The following TMX3 variants were observed in gnomAD, a reference collection of about 807,000 sequenced individuals.
TMX3 encodes the protein thioredoxin related transmembrane protein 3.
Under a neutral mutation model 64.4 loss-of-function variants are expected in TMX3, and 40 were observed. The ratio of observed to expected loss-of-function variants is 0.62; its 90% confidence interval spans 0.48 to 0.81. TMX3 has a LOEUF of 0.81. Ranked by LOEUF, TMX3 falls within the 30% of genes least tolerant of loss-of-function variation. The pLI, the probability that TMX3 is intolerant of heterozygous loss-of-function variation, is 0.00. For missense variants in TMX3, 497 were observed against 534.5 expected, an observed-to-expected ratio of 0.93 and a Z score of 0.69; for synonymous variants, 189 against 175.7, an observed-to-expected ratio of 1.08 and a Z score of -0.60.
At chr18:68,678,491 T>G (rs1913134205) in intron 15 of TMX3, among the ~76,000 whole-genome samples, 1 of 151,876 alleles carries the variant, frequency 6.6e-6, no homozygotes, top group African/African-American at 2.4e-5. Flanking sequence ...TGAAAAACAC[T>G]GAAGAGATGG....
chr18:68,678,933 A>G (rs1207522887), intron 15 of TMX3, among the ~76,000 whole-genome samples: 1 of 151,870 alleles, frequency 6.6e-6, no homozygotes, highest in Non-Finnish European at 1.5e-5. Context: ...AAGGAAGGAG[A>G]GAAAAAGGGA....
Position 68,675,544 on chromosome 18 carries a change from C to G in TMX3, c.*1389G>C, listed in dbSNP as rs559802487. 6.6e-6 allele frequency: 1 copy of G among 152,180 alleles called. No homozygotes were observed. Among genetic ancestry groups the G allele is most frequent in the Non-Finnish European group, 1.5e-5 (1 of 67,988 alleles). The allele number at this position is 152,180 out of a possible 1,614,324, so 9.4% of individuals were successfully genotyped here. On this transcript the variant is annotated 3_prime_UTR_variant, in exon 16 of 16. Transcript: ENST00000299608. ...CTAAATCCCTAAACAACGTCAGTGT[C>G]CAGACCATGAATTACATATTTTTTG...
intron 9 of TMX3, 25 bp downstream of exon 9, chr18:68,691,270 C>T (rs987673474): frequency 6.6e-6 from 10 of 1,504,666 alleles, no homozygotes; most frequent in Non-Finnish European, 8.2e-6. Flanking sequence ...AAATGTTTTA[C>T]ATGAGTTAAA....
intron 1 of TMX3, 142 bp downstream of exon 1, chr18:68,714,794 G>A (rs1278102897): frequency 2.6e-6 from 3 of 1,173,412 alleles, no homozygotes; most frequent in African/African-American, 1.6e-5. Flanking sequence ...GGCGCGGCGG[G>A]GGCGGCAGGA....
In TMX3 at chr18:68,693,581, G is replaced by A. The variant is rs115376657; in HGVS notation, c.571-2220C>T. ...CCGGGTGTGTGTGTGTGCTTGGCGC[G>A]GCGCTGACGTGCCAGCTCCCAACAG... On this transcript the variant is annotated intron_variant, in intron 8 of 15. Transcript: ENST00000299608. Among the ~76,000 whole-genome samples the A allele has an allele frequency of 4.4e-3, 675 of 152,268 alleles. 8 individuals are homozygous for A. The highest frequency in any genetic ancestry group is 0.015 in the African/African-American group (614 of 41,556).
intron 5 of TMX3, chr18:68,701,031 GA>G (rs1568196465): frequency 1.0e-6 from 1 of 983,884 alleles, no homozygotes; most frequent in African/African-American, 1.8e-5. Flanking sequence ...TTTTAAAAAG[GA>G]AAAATTGGGA....
intron 3 of TMX3, 85 bp from the exon 4 acceptor site, chr18:68,710,229 A>T: frequency 2.5e-6 from 3 of 1,212,516 alleles, no homozygotes; most frequent in Non-Finnish European, 3.3e-6. Context: ...TAATATTTAA[A>T]GAATCCCTTT....
intron 15 of TMX3, 98 bp downstream of exon 15, chr18:68,679,365 T>C (rs1599294125): frequency 2.2e-6 from 2 of 911,326 alleles, no homozygotes; most frequent in East Asian, 5.3e-5. Flanking sequence ...AAAAGACATA[T>C]TTTGACCTAA....
At chr18:68,708,055 GTGTATA>G (rs2030897744) in intron 4 of TMX3, among the ~76,000 whole-genome samples, 2 of 150,344 alleles carry the variant, frequency 1.3e-5, no homozygotes, top group African/African-American at 4.9e-5. Context: ...GTATATATAT[GTGTATA>G]TATATGTGTA....
intron 12 of TMX3, 32 bp from the exon 13 acceptor site, chr18:68,683,013 A>G (rs778161512): frequency 8.8e-6 from 14 of 1,591,928 alleles, no homozygotes; most frequent in Non-Finnish European, 1.2e-5. Flanking sequence ...TAAATAAATA[A>G]AAGGAGAGGG....
chr18:68,687,381 G>A, intron 10 of TMX3: 1 of 985,302 alleles, frequency 1.0e-6, no homozygotes, highest in Non-Finnish European at 1.2e-6. Context: ...TCTGAGTACA[G>A]CTTCTTAGTT....
chr18:68,678,537 A>C (rs1162457310), intron 15 of TMX3, among the ~76,000 whole-genome samples: 1 of 152,154 alleles, frequency 6.6e-6, no homozygotes, highest in Non-Finnish European at 1.5e-5. Flanking sequence ...TCACAGCAGC[A>C]CGGAAAGGAG....
intron 12 of TMX3, among the ~76,000 whole-genome samples, chr18:68,683,748 A>G (rs991040922): frequency 6.6e-6 from 1 of 152,136 alleles, no homozygotes; most frequent in East Asian, 1.9e-4. Flanking sequence ...TGTGCTATAC[A>G]GTAGTCCCCC....
In TMX3 at chr18:68,700,275, A is replaced by T. The variant is rs1197223988; in HGVS notation, c.392+130T>A. 3 of 563,646 alleles carry T rather than the reference A, an allele frequency of 5.3e-6. No individual in the cohort carries two copies. The East Asian group carries it at 1.0e-4, about 19-fold the overall frequency. The allele number at this position is 563,646 out of a possible 1,614,324, so 34.9% of individuals were successfully genotyped here. On this transcript the variant is annotated intron_variant, in intron 6 of 15. Coordinates refer to ENST00000299608, the MANE Select transcript of TMX3 (RefSeq NM_019022.5). ...ACGCTGTATAATCCTATCTTCTCTC[A>T]TAAGTAAATAATCAAATAAATTTTA... is the stretch of plus-strand genomic sequence containing the variant.
chr18:68,685,502 T>C (rs1213677189), intron 10 of TMX3, among the ~76,000 whole-genome samples: 1 of 152,234 alleles, frequency 6.6e-6, no homozygotes, highest in East Asian at 1.9e-4. Flanking sequence ...GCTTCTTTAA[T>C]TTTCAAATGG....
chr18:68,682,552 C>T (rs887316255), intron 13 of TMX3, among the ~76,000 whole-genome samples: 25 of 151,976 alleles, frequency 1.6e-4, no homozygotes, highest in African/African-American at 6.0e-4. Flanking sequence ...AATTCTAGAA[C>T]AATTAGTTTT....
At chr18:68,701,111 G>C in intron 5 of TMX3, 2 of 769,760 alleles carry the variant, frequency 2.6e-6, no homozygotes. Flanking sequence ...CAAAAAGTAA[G>C]AGGCTAAGCA....
Position 68,715,076 on chromosome 18 carries a change from G to C in TMX3, c.-95C>G, listed in dbSNP as rs1281704366. 1.9e-6 allele frequency: 3 copies of C among 1,540,990 alleles called. No homozygotes were observed. The highest frequency in any genetic ancestry group is 4.0e-5 in the Admixed American group (2 of 50,246). ...CCCGCCCGGAAAGGGAAACGGAGCC[G>C]ACCCGGAGCGGAAGAGAAGCACCGC... On this transcript the variant is annotated 5_prime_UTR_variant, in exon 1 of 16. Transcript: ENST00000299608.
intron 2 of TMX3, among the ~76,000 whole-genome samples, chr18:68,712,282 A>G (rs1161793890): frequency 1.3e-5 from 2 of 152,168 alleles, no homozygotes; most frequent in African/African-American, 4.8e-5. Context: ...ATCTGCTGAG[A>G]ATATCCTGGC....
Sources: allele counts gnomAD v4.1 joint callset (sites outside exome capture counted in the v4.1 genomes callset), GRCh38; gene constraint gnomAD v4.1.1; transcripts MANE v1.5; gene names NCBI Gene and HGNC (gene_info 2026-07-23, HGNC 2026-07-21).